The following CSMD1 variants were observed in gnomAD, a reference collection of about 807,000 sequenced individuals.
The protein encoded by CSMD1 is CUB and Sushi multiple domains 1, also known as CUB and sushi domain-containing protein 1.
A neutral mutation model predicts 417.5 loss-of-function variants in CSMD1; 213 were observed. The ratio of observed to expected loss-of-function variants is 0.51; its 90% CI spans 0.46 to 0.57. The LOEUF is 0.57. Ranked by LOEUF, CSMD1 falls within the 20% of genes least tolerant of loss-of-function variation. The pLI is 0.00. For synonymous variants in CSMD1, 2,862 were observed against 1,736.8 expected, an observed-to-expected ratio of 1.65 and a Z score of -16.11; for missense variants, 6,923 against 4,529.7, an observed-to-expected ratio of 1.53 and a Z score of -15.17.
At chr8:3,266,286 A>G (rs957539710) in intron 26 of CSMD1, among the ~76,000 whole-genome samples, 11 of 151,346 alleles carry the variant, frequency 7.3e-5, no homozygotes, top group African/African-American at 2.4e-4. Flanking sequence ...AGGCAGTAGC[A>G]CCACAGTTCT....
At chr8:2,980,797 T>G (rs967384160) in intron 54 of CSMD1, among the ~76,000 whole-genome samples, 6 of 152,218 alleles carry the variant, frequency 3.9e-5, no homozygotes, top group African/African-American at 1.4e-4. Context: ...CAACCTTACA[T>G]TGCATTAGAA....
chr8:3,948,809 A>G (rs1254862891), intron 5 of CSMD1, among the ~76,000 whole-genome samples: 1 of 145,938 alleles, frequency 6.9e-6, no homozygotes, highest in African/African-American at 2.6e-5. Context: ...CTACCCAGTT[A>G]TCATTTTGAA....
At chr8:4,337,851 A>G (rs1032886955) in intron 3 of CSMD1, among the ~76,000 whole-genome samples, 2 of 152,182 alleles carry the variant, frequency 1.3e-5, no homozygotes, top group African/African-American at 2.4e-5. Context: ...GTTCCTTCGT[A>G]AAGACTTTAA....
At chr8:2,981,560 G>C (rs554035717) in intron 54 of CSMD1, among the ~76,000 whole-genome samples, 4 of 152,328 alleles carry the variant, frequency 2.6e-5, no homozygotes, top group African/African-American at 9.6e-5. Context: ...TTCCAAGTGT[G>C]AAAACCTGAC....
chr8:3,975,718 A>G (rs949258308), intron 5 of CSMD1, among the ~76,000 whole-genome samples: 3 of 152,258 alleles, frequency 2.0e-5, no homozygotes, highest in African/African-American at 7.2e-5. Context: ...CAACGACTTC[A>G]TTACATGCAA....
At chr8:3,055,184 A>G (rs13257024) in intron 49 of CSMD1, among the ~76,000 whole-genome samples, 72,539 of 152,068 alleles carry the variant, frequency 0.48, 18,001 homozygotes, top group Non-Finnish European at 0.55. Context: ...GCCCCATCAC[A>G]AAACAATTCA....
chr8:3,680,873 G>A (rs955351992), intron 7 of CSMD1, among the ~76,000 whole-genome samples: 2 of 152,168 alleles, frequency 1.3e-5, no homozygotes, highest in African/African-American at 2.4e-5. Context: ...GGGATGCAAG[G>A]CTGGTTCAAT....
Position 4,170,930 on chromosome 8 carries a change from C to A in CSMD1, c.416-138831G>T, listed in dbSNP as rs559094703. On this transcript the variant is annotated intron_variant, in intron 3 of 69. Transcript: ENST00000635120. ...CCATTCACTTATTCCAATGCCTGTA[C>A]AAGCTGTGTTACGCAAATGTCATTA... Among the ~76,000 whole-genome samples, 80 of 152,002 alleles carry A rather than the reference C, an allele frequency of 5.3e-4. 1 individual carries two copies. The highest frequency in any genetic ancestry group is 1.9e-3 in the African/African-American group (77 of 41,276).
At chr8:4,856,116 T>G (rs1801785152) in intron 1 of CSMD1, among the ~76,000 whole-genome samples, 1 of 151,788 alleles carries the variant, frequency 6.6e-6, no homozygotes, top group Admixed American at 6.6e-5. Context: ...TATTCAACAT[T>G]CTTAAAGACA....
At chr8:4,742,856 C>A (rs1255054535) in intron 1 of CSMD1, among the ~76,000 whole-genome samples, 3 of 152,052 alleles carry the variant, frequency 2.0e-5, no homozygotes, top group Admixed American at 6.5e-5. Context: ...AGTTACAATT[C>A]TAACTTAATG....
intron 5 of CSMD1, among the ~76,000 whole-genome samples, chr8:3,913,750 C>G (rs1169119696): frequency 2.6e-5 from 4 of 152,104 alleles, no homozygotes; most frequent in South Asian, 2.1e-4. Context: ...ATGTGGGTCA[C>G]AGGATGAGTT....
intron 49 of CSMD1, among the ~76,000 whole-genome samples, chr8:3,062,895 G>A (rs978876033): frequency 2.6e-5 from 4 of 152,170 alleles, no homozygotes; most frequent in Admixed American, 2.6e-4. Flanking sequence ...TTGTTCAAAA[G>A]AGACAGGTAC....
rs192855325 is a variant in CSMD1, at chr8:4,554,928, A to G, written c.302+82414T>C. Reference sequence around the variant, plus strand: ...GATGTGGGATGCTGTCTTCTAGGCAACGAATTCCTGTGGGATGGAGTAAGC... The same window carrying G: ...GATGTGGGATGCTGTCTTCTAGGCAGCGAATTCCTGTGGGATGGAGTAAGC... On this transcript the variant is annotated intron_variant, in intron 2 of 69. Coordinates refer to ENST00000635120, the MANE Select transcript of CSMD1 (RefSeq NM_033225.6). 3.2e-4 allele frequency among the ~76,000 whole-genome samples: 49 copies of G among 152,286 alleles called. 1 individual carries two copies. The East Asian group carries it at 8.9e-3, about 28-fold the overall frequency.
intron 3 of CSMD1, among the ~76,000 whole-genome samples, chr8:4,316,682 G>C (rs560353983): frequency 6.6e-6 from 1 of 151,322 alleles, no homozygotes; most frequent in Non-Finnish European, 1.5e-5. Context: ...TGCAAACTAA[G>C]GGGGGGGCTT....
rs529772502 is a variant in CSMD1, at chr8:3,265,465, C to T, written c.4153+18679G>A. On this transcript the variant is annotated intron_variant, in intron 26 of 69. Transcript: ENST00000635120. ...TCAGGGATCAGAGACGTTTCCTAAA[C>T]AGAGTGGTGTTTAACCGCAACCTGT... Among the ~76,000 whole-genome samples the T allele has an allele frequency of 4.9e-4, 74 of 152,158 alleles. 1 individual carries two copies. The highest frequency in any genetic ancestry group is 3.1e-3 in the South Asian group (15 of 4,798).
chr8:4,747,639 T>C (rs1372783300), intron 1 of CSMD1, among the ~76,000 whole-genome samples: 1 of 152,206 alleles, frequency 6.6e-6, no homozygotes, highest in Non-Finnish European at 1.5e-5. Context: ...ATTATCAACC[T>C]TCTGCTTTAT....
At chr8:4,071,474 T>G (rs985709083) in intron 3 of CSMD1, among the ~76,000 whole-genome samples, 1 of 152,184 alleles carries the variant, frequency 6.6e-6, no homozygotes, top group African/African-American at 2.4e-5. Flanking sequence ...TTCCTGATAT[T>G]TCTAACTTTT....
At chr8:4,932,796 A>G (rs1420270246) in intron 1 of CSMD1, among the ~76,000 whole-genome samples, 1 of 152,216 alleles carries the variant, frequency 6.6e-6, no homozygotes, top group Admixed American at 6.5e-5. Flanking sequence ...AATATTCAAT[A>G]GAGTTTTACC....
At chr8:3,581,165 C>T (rs975657577) in intron 9 of CSMD1, among the ~76,000 whole-genome samples, 4 of 152,058 alleles carry the variant, frequency 2.6e-5, no homozygotes, top group East Asian at 1.9e-4. Flanking sequence ...GAATGAAGTA[C>T]CAGCCTGAAC....
Sources: allele counts gnomAD v4.1 joint callset (sites outside exome capture counted in the v4.1 genomes callset), GRCh38; gene constraint gnomAD v4.1.1; transcripts MANE v1.5; gene names NCBI Gene and HGNC (gene_info 2026-07-23, HGNC 2026-07-21).